The following OASL variants were observed in gnomAD, a reference collection of about 807,000 sequenced individuals.
The protein encoded by OASL is 2'-5'-oligoadenylate synthase-like protein.
OASL carries 28 observed loss-of-function variants against 35.3 expected under a neutral mutation model. That is an observed-to-expected ratio of 0.79 (90% CI 0.59 to 1.09). The LOEUF is 1.09. Among genes scored for constraint, OASL ranks in the 50% least tolerant of loss-of-function variants. The pLI, the probability that OASL is intolerant of heterozygous loss-of-function variation, is 0.00. For missense variants in OASL, 620 were observed against 635.2 expected (o/e 0.98, Z 0.26); for synonymous variants, 252 against 254.6 (o/e 0.99, Z 0.10).
chr12:121,018,869 C>CAAAAAAAA (rs1158102389), downstream of OASL, among the ~76,000 whole-genome samples: 1 of 55,304 alleles, frequency 1.8e-5, no homozygotes, highest in African/African-American at 7.2e-5. Flanking sequence ...GACTCCATCT[C>CAAAAAAAA]AAAAAAAAAA....
intron 4 of OASL, among the ~76,000 whole-genome samples, chr12:121,025,692 G>T (rs1046922407): frequency 6.6e-6 from 1 of 151,698 alleles, no homozygotes; most frequent in African/African-American, 2.4e-5. Flanking sequence ...AACCCAGGAG[G>T]TGGTGGTTGC....
intron 3 of OASL, among the ~76,000 whole-genome samples, chr12:121,028,346 A>C (rs1472983676): frequency 6.6e-6 from 1 of 152,202 alleles, no homozygotes; most frequent in Non-Finnish European, 1.5e-5. Context: ...GCACAGTCCT[A>C]TCAGCATAAA....
rs1334591982 is a variant in OASL, at chr12:121,033,575, G to GC, written c.366dup (p.Leu123AlafsTer50). ...CTCTGCTCCATCCTCAGGTCCTCGA[G>GC]CCCGAGGTCCAGCAGGTCCTGGCTT... On this transcript the variant is annotated frameshift_variant, in exon 2 of 6. Transcript: ENST00000257570. LOFTEE classifies it high-confidence loss of function. The GC allele has an allele frequency of 6.2e-7, 1 of 1,614,074 alleles. No homozygotes were observed. Among genetic ancestry groups the GC allele is most frequent in the African/African-American group, 1.3e-5 (1 of 74,914 alleles).
rs561317844 is a variant in OASL, at chr12:121,038,746, C to T, written c.198+28G>A. 4.9e-5 allele frequency: 79 copies of T among 1,610,890 alleles called. 2 individuals are homozygous for T. In the South Asian group the frequency reaches 7.4e-4, roughly 15 times the overall value. ...GACTCTGATACTGGGTTTTGTCTTG[C>T]GTGGGGGCTGGAGGAGCCCAGTCTT... On this transcript the variant is annotated intron_variant, in intron 1 of 5. Coordinates refer to ENST00000257570, the Ensembl canonical transcript of OASL.
At chr12:121,039,020 A>T in exon 1 of OASL, 1 of 1,523,590 alleles carries the variant, frequency 6.6e-7, no homozygotes, top group Non-Finnish European at 9.1e-7. Context: ...CCAGGCTCCT[A>T]CCCAGCTCCC....
At chr12:121,030,799 C>G (rs150404008) in intron 3 of OASL, among the ~76,000 whole-genome samples, 64 of 152,122 alleles carry the variant, frequency 4.2e-4, no homozygotes, top group African/African-American at 1.0e-3. Flanking sequence ...CAGTACCCGG[C>G]GAAGCTGACA....
intron 3 of OASL, among the ~76,000 whole-genome samples, chr12:121,030,988 AT>A (rs1869705216): frequency 6.6e-6 from 1 of 151,938 alleles, no homozygotes; most frequent in Admixed American, 6.6e-5. Context: ...AATAAAAAAA[AT>A]TAGCTGGGCA....
chr12:121,036,600 A>G (rs1006410594), intron 1 of OASL, among the ~76,000 whole-genome samples: 1 of 152,176 alleles, frequency 6.6e-6, no homozygotes, highest in Non-Finnish European at 1.5e-5. Flanking sequence ...CCTGGCCAAC[A>G]TGATGGAACC....
At chr12:121,021,261 ATTAG>A (rs994523296) in intron 5 of OASL, among the ~76,000 whole-genome samples, 84 of 152,076 alleles carry the variant, frequency 5.5e-4, no homozygotes, top group African/African-American at 2.0e-3. Context: ...GAGCATCTCT[ATTAG>A]TTGGTTGGTT....
chr12:121,035,550 C>A (rs75031874), intron 1 of OASL, among the ~76,000 whole-genome samples: 2 of 151,732 alleles, frequency 1.3e-5, no homozygotes, highest in Non-Finnish European at 2.9e-5. Flanking sequence ...CAAAAAAAAA[C>A]GCCTTCACTT....
chr12:121,028,726 G>A (rs1480886735), intron 3 of OASL, among the ~76,000 whole-genome samples: 3 of 144,018 alleles, frequency 2.1e-5, no homozygotes, highest in Non-Finnish European at 4.5e-5. Context: ...TCTCTTACTT[G>A]CAAAAGGAAG....
At chr12:121,017,936 T>C (rs1309241238), downstream of OASL, among the ~76,000 whole-genome samples, 1 of 152,224 alleles carries the variant, frequency 6.6e-6, no homozygotes, top group Non-Finnish European at 1.5e-5. Context: ...AGGAGTTGGC[T>C]TTAGCTTATT....
chr12:121,033,351 G>A lies in OASL; in HGVS notation c.481+110C>T, dbSNP rs546198328. The A allele has an allele frequency of 2.7e-6, 3 of 1,104,332 alleles. No individual in the cohort carries two copies. In the Admixed American group the frequency reaches 6.7e-5, roughly 25 times the overall value. 68.4% of individuals were successfully genotyped at this position (1,104,332 alleles called of 1,614,324 possible). On this transcript the variant is annotated intron_variant, in intron 2 of 5. Coordinates refer to ENST00000257570, the Ensembl canonical transcript of OASL. The stretch of plus-strand genomic sequence containing the variant: ...CCAGCCCCAAGCATAGGACACAGAT[G>A]AAATGAATAAATGTGGGTGTGTGCA...
At chr12:121,028,122 A>T (rs1869567198) in intron 3 of OASL, among the ~76,000 whole-genome samples, 1 of 152,222 alleles carries the variant, frequency 6.6e-6, no homozygotes, top group Non-Finnish European at 1.5e-5. Flanking sequence ...GTCCCATTTA[A>T]ATCTATTTTA....
rs1373043804 is a variant in OASL, at chr12:121,027,441, G to A, written c.899+135C>T. ...AACTTGAGATGCCAGCTGTGTTGGT[G>A]TGGGAGGTCGATGCTCAACTATGGT... is the stretch of plus-strand genomic sequence containing the variant. On this transcript the variant is annotated intron_variant, in intron 4 of 5. Transcript: ENST00000257570. 18 of 1,314,914 alleles carry A rather than the reference G, an allele frequency of 1.4e-5. 1 individual carries two copies. The allele number at this position is 1,314,914 out of a possible 1,614,324, so 81.5% of individuals were successfully genotyped here. A position where few individuals can be genotyped will look rare whatever the true frequency, so the allele number is the denominator to read the frequency against.
chr12:121,036,953 T>C lies in OASL; in HGVS notation c.198+1821A>G, dbSNP rs143942643. Among the ~76,000 whole-genome samples the C allele has an allele frequency of 7.8e-3, 1,191 of 151,806 alleles. 18 individuals carry two copies. The highest frequency in any genetic ancestry group is 0.027 in the African/African-American group (1,103 of 41,376). The stretch of plus-strand genomic sequence containing the variant: ...AGAATGTGGGTTTGAGAAAGAAGAG[T>C]GGGAAGGTCAAAACCACACAGCTGG... On this transcript the variant is annotated intron_variant, in intron 1 of 5. Transcript: ENST00000257570.
At chr12:121,026,531 G>T (rs1869491022) in intron 4 of OASL, among the ~76,000 whole-genome samples, 1 of 152,180 alleles carries the variant, frequency 6.6e-6, no homozygotes, top group African/African-American at 2.4e-5. Flanking sequence ...TACTACTGTG[G>T]TCCACTGGAG....
chr12:121,027,941 C>A (rs1869559756), intron 3 of OASL, 124 bp from the exon 4 acceptor site: 2 of 768,554 alleles, frequency 2.6e-6, no homozygotes, highest in Admixed American at 5.2e-5. Context: ...GGCTGTGTGA[C>A]CTTGGCCATG....
intron 3 of OASL, among the ~76,000 whole-genome samples, chr12:121,028,676 C>T (rs868294856): frequency 1.4e-5 from 2 of 140,764 alleles, no homozygotes; most frequent in South Asian, 2.5e-4. Context: ...TGATAATTCC[C>T]TTTATTGTTT....
Sources: gnomAD v4.1 joint callset for allele counts (sites outside exome capture counted in the v4.1 genomes callset) on GRCh38, gnomAD v4.1.1 for gene constraint, MANE v1.5 for transcripts, NCBI Gene and HGNC (gene_info 2026-07-23, HGNC 2026-07-21) for gene names.